DDX10: variants seen among roughly 807,000 people sequenced by gnomAD.
DDX10 encodes probable ATP-dependent RNA helicase DDX10.
In DDX10, 74 loss-of-function variants were observed where a neutral mutation model predicts 104.3. The observed-to-expected ratio is 0.71, with a 90% CI of 0.59 to 0.86. The LOEUF is 0.86. Among genes scored for constraint, DDX10 ranks in the 40% least tolerant of loss-of-function variants. DDX10 has a pLI of 0.00. For missense variants in DDX10, 952 were observed against 1,040.0 expected, an observed-to-expected ratio of 0.92 and a Z score of 1.16; for synonymous variants, 351 against 353.4, an observed-to-expected ratio of 0.99 and a Z score of 0.08.
intron 13 of DDX10, among the ~76,000 whole-genome samples, chr11:108,792,371 G>A (rs2134549278): frequency 6.6e-6 from 1 of 152,184 alleles, no homozygotes; most frequent in South Asian, 2.1e-4. Context: ...CCTTTGTTCT[G>A]CGCGCTTTCT....
intron 12 of DDX10, among the ~76,000 whole-genome samples, chr11:108,722,337 A>G (rs930272239): frequency 4.6e-5 from 7 of 152,220 alleles, no homozygotes; most frequent in African/African-American, 1.7e-4. Context: ...TAATGAAGCT[A>G]TTAGCTTTGA....
intron 13 of DDX10, among the ~76,000 whole-genome samples, chr11:108,755,966 CTTCCCTCT>C (rs200458750): frequency 0.039 from 5,885 of 151,372 alleles, 343 homozygotes; most frequent in African/African-American, 0.13. Flanking sequence ...CTTCCTCCCC[CTTCCCTCT>C]TTCCCTCTTT....
chr11:108,891,238 A>T (rs1863372133), intron 16 of DDX10, among the ~76,000 whole-genome samples: 1 of 152,184 alleles, frequency 6.6e-6, no homozygotes, highest in African/African-American at 2.4e-5. Context: ...TTTTTAAAAA[A>T]CTAATCTTTT....
chr11:108,906,778 G>T (rs1316016722), intron 16 of DDX10, among the ~76,000 whole-genome samples: 1 of 152,234 alleles, frequency 6.6e-6, no homozygotes, highest in East Asian at 1.9e-4. Flanking sequence ...AGCATCATCA[G>T]TATCCTGTTG....
At chr11:108,691,018 ATC>A (rs2094251770) in intron 7 of DDX10, 2 of 152,332 alleles carry the variant, frequency 1.3e-5, no homozygotes, top group African/African-American at 4.8e-5. Context: ...AAGTCCAGCT[ATC>A]TCTGATACTT....
At chr11:108,678,529 T>A in intron 5 of DDX10, 94 bp downstream of exon 5, 1 of 1,270,938 alleles carries the variant, frequency 7.9e-7, no homozygotes, top group Non-Finnish European at 1.1e-6. Flanking sequence ...TTATGTTAGA[T>A]AAATGTTATG....
At chr11:108,804,308 G>A (rs895173118) in intron 13 of DDX10, among the ~76,000 whole-genome samples, 11 of 151,944 alleles carry the variant, frequency 7.2e-5, no homozygotes, top group Non-Finnish European at 2.9e-5. Context: ...AGTCAGCCTG[G>A]TCAACATATT....
intron 16 of DDX10, among the ~76,000 whole-genome samples, chr11:108,891,849 A>G (rs35273823): frequency 0.13 from 19,244 of 151,914 alleles, 1,610 homozygotes; most frequent in South Asian, 0.23. Flanking sequence ...TGGGGAGGGC[A>G]CCGGGAAGAG....
chr11:108,870,807 G>T (rs1863071173), intron 16 of DDX10, among the ~76,000 whole-genome samples: 1 of 152,168 alleles, frequency 6.6e-6, no homozygotes, highest in Non-Finnish European at 1.5e-5. Context: ...CAGGGACTTT[G>T]TTCTGTTCAC....
At chr11:108,789,496 T>TA (rs1861842108) in intron 13 of DDX10, among the ~76,000 whole-genome samples, 1 of 152,256 alleles carries the variant, frequency 6.6e-6, no homozygotes, top group African/African-American at 2.4e-5. Flanking sequence ...AGGTACCTGA[T>TA]ACCTGCCTAT....
chr11:108,877,196 A>C lies in DDX10; in HGVS notation c.2304+24987A>C, dbSNP rs536208376. On this transcript the variant is annotated intron_variant, in intron 16 of 17. Coordinates refer to ENST00000322536, the MANE Select transcript of DDX10 (RefSeq NM_004398.4). ...TTTTATAGACTATATTTAACTTTTCAAAAGAATGTTTTCAGATTAAAGCTT... is the reference window on the plus strand; with the variant it reads ...TTTTATAGACTATATTTAACTTTTCCAAAGAATGTTTTCAGATTAAAGCTT... Among the ~76,000 whole-genome samples the C allele has an allele frequency of 6.6e-5, 10 of 152,346 alleles. No homozygotes were observed. The South Asian group carries it at 2.1e-3, about 32-fold the overall frequency.
At chr11:108,692,144 T>G (rs2094253598) in intron 8 of DDX10, 106 bp downstream of exon 8, 1 of 1,048,858 alleles carries the variant, frequency 9.5e-7, no homozygotes, top group African/African-American at 1.6e-5. Context: ...GGGTTTCTTT[T>G]CTTATTTTGT....
chr11:108,733,244 A>G (rs543340172), intron 13 of DDX10, among the ~76,000 whole-genome samples: 86 of 152,076 alleles, frequency 5.7e-4, no homozygotes, highest in Non-Finnish European at 1.9e-4. Flanking sequence ...CCAAATCAAG[A>G]TTCTCCTATG....
intron 6 of DDX10, among the ~76,000 whole-genome samples, chr11:108,680,226 T>C (rs2094232767): frequency 6.6e-6 from 1 of 152,300 alleles, no homozygotes; most frequent in South Asian, 2.1e-4. Context: ...ATTTATCTCT[T>C]TTTTTCGAGA....
chr11:108,718,924 T>G (rs2094294937), intron 11 of DDX10, among the ~76,000 whole-genome samples: 1 of 152,154 alleles, frequency 6.6e-6, no homozygotes, highest in Non-Finnish European at 1.5e-5. Context: ...TAGAAAGGAT[T>G]AGTGTAAAGC....
intron 13 of DDX10, among the ~76,000 whole-genome samples, chr11:108,793,708 TCTG>T (rs1861901585): frequency 6.6e-6 from 1 of 152,208 alleles, no homozygotes; most frequent in African/African-American, 2.4e-5. Flanking sequence ...GTAACCCTAC[TCTG>T]CTATCAAACA....
intron 13 of DDX10, among the ~76,000 whole-genome samples, chr11:108,795,785 A>G (rs943779212): frequency 2.6e-5 from 4 of 152,262 alleles, no homozygotes; most frequent in African/African-American, 9.6e-5. Context: ...TATTGTGAAT[A>G]GTGCCTCAAT....
chr11:108,855,958 G>A (rs1862862642), intron 16 of DDX10, among the ~76,000 whole-genome samples: 1 of 152,114 alleles, frequency 6.6e-6, no homozygotes, highest in Non-Finnish European at 1.5e-5. Flanking sequence ...TTTTATAGAT[G>A]TACATTTTCA....
intron 13 of DDX10, among the ~76,000 whole-genome samples, chr11:108,797,729 A>C (rs1016290787): frequency 6.6e-6 from 1 of 152,230 alleles, no homozygotes; most frequent in Non-Finnish European, 1.5e-5. Flanking sequence ...GCCAACAGCA[A>C]GTAACACAAC....
Sources: gnomAD v4.1 joint callset for allele counts (sites outside exome capture counted in the v4.1 genomes callset) on GRCh38, gnomAD v4.1.1 for gene constraint, MANE v1.5 for transcripts, NCBI Gene and HGNC (gene_info 2026-07-23, HGNC 2026-07-21) for gene names.